HCN1: variants seen among roughly 807,000 people sequenced by gnomAD.
The protein encoded by HCN1 is potassium/sodium hyperpolarization-activated cyclic nucleotide-gated channel 1.
HCN1 carries 13 observed loss-of-function variants against 78.9 expected under a neutral mutation model. The observed-to-expected ratio is 0.16, with a 90% CI of 0.11 to 0.26. HCN1 has a LOEUF of 0.26. HCN1 is among the 10% of genes least tolerant of loss of function. The pLI is 1.00. For synonymous variants in HCN1, 552 were observed against 455.5 expected (o/e 1.21, Z -2.70); for missense variants, 810 against 1,154.3 (o/e 0.70, Z 4.32).
intron 5 of HCN1, among the ~76,000 whole-genome samples, chr5:45,329,297 C>A (rs1175255210): frequency 6.6e-6 from 1 of 151,518 alleles, no homozygotes; most frequent in Non-Finnish European, 1.5e-5. Flanking sequence ...AACCTCTGTT[C>A]TACTTTCTGT....
intron 2 of HCN1, among the ~76,000 whole-genome samples, chr5:45,639,026 A>T (rs1016522109): frequency 6.6e-6 from 1 of 152,232 alleles, no homozygotes; most frequent in African/African-American, 2.4e-5. Context: ...AATACTAATA[A>T]TTGTTTAGAG....
intron 2 of HCN1, among the ~76,000 whole-genome samples, chr5:45,589,624 C>A (rs1744319754): frequency 6.6e-6 from 1 of 152,094 alleles, no homozygotes; most frequent in African/African-American, 2.4e-5. Context: ...ATTTTAAACT[C>A]CAAAAGAGTA....
At chr5:45,432,509 T>G (rs1157033911) in intron 3 of HCN1, among the ~76,000 whole-genome samples, 3 of 152,132 alleles carry the variant, frequency 2.0e-5, no homozygotes, top group African/African-American at 7.2e-5. Context: ...GCTCTAGGAC[T>G]TCTAGTACTA....
At chr5:45,331,546 C>T (rs374655450) in intron 5 of HCN1, among the ~76,000 whole-genome samples, 53 of 151,306 alleles carry the variant, frequency 3.5e-4, no homozygotes, top group South Asian at 1.9e-3. Context: ...TTTTACTTCA[C>T]GTAATCAACA....
At chr5:45,297,792 T>A (rs1313098355) in intron 6 of HCN1, among the ~76,000 whole-genome samples, 2 of 152,062 alleles carry the variant, frequency 1.3e-5, no homozygotes, top group Non-Finnish European at 2.9e-5. Context: ...CAAGGCTGGT[T>A]CAACATTTAA....
At chr5:45,660,906 G>C (rs1406758891) in intron 1 of HCN1, among the ~76,000 whole-genome samples, 2 of 97,690 alleles carry the variant, frequency 2.0e-5, no homozygotes, top group Admixed American at 1.1e-4. Context: ...GAGACAGAAA[G>C]TCAACAAGGA....
intron 3 of HCN1, among the ~76,000 whole-genome samples, chr5:45,432,428 C>G (rs1034677607): frequency 3.3e-5 from 5 of 151,754 alleles, no homozygotes; most frequent in Admixed American, 2.6e-4. Context: ...TTCTTTCCTT[C>G]TCTAGTCTGA....
intron 2 of HCN1, among the ~76,000 whole-genome samples, chr5:45,551,816 C>T (rs1743376389): frequency 6.6e-6 from 1 of 151,854 alleles, no homozygotes; most frequent in Non-Finnish European, 1.5e-5. Flanking sequence ...AATTTTCCAT[C>T]AATTAACTAC....
chr5:45,352,946 A>C (rs1037651160), intron 5 of HCN1, among the ~76,000 whole-genome samples, 154 bp downstream of exon 5: 5 of 152,076 alleles, frequency 3.3e-5, no homozygotes, highest in Non-Finnish European at 7.4e-5. Context: ...AACATTTAAG[A>C]GCTTATGTAG....
rs144010728 is a variant in HCN1, at chr5:45,257,098, A to G, written c.*4823T>C. 1 of 152,306 alleles carries G rather than the reference A, an allele frequency of 6.6e-6. No individual in the cohort carries two copies. The highest frequency in any genetic ancestry group is 1.5e-5 in the Non-Finnish European group (1 of 68,022). 9.4% of individuals were successfully genotyped at this position (152,306 alleles called of 1,614,324 possible). ...CAGGGTGGGGTTGTAAATAGCCCCCAGTTTTTGCTGTGTCATAAATTATTT... is the reference window on the plus strand; with the variant it reads ...CAGGGTGGGGTTGTAAATAGCCCCCGGTTTTTGCTGTGTCATAAATTATTT... On this transcript the variant is annotated 3_prime_UTR_variant, in exon 8 of 8. Coordinates refer to ENST00000303230, the MANE Select transcript of HCN1 (RefSeq NM_021072.4).
intron 4 of HCN1, among the ~76,000 whole-genome samples, chr5:45,375,098 A>G (rs1488068187): frequency 9.1e-6 from 1 of 110,444 alleles, no homozygotes; most frequent in Non-Finnish European, 1.8e-5. Flanking sequence ...ATATAATATA[A>G]TATTTTATAA....
chr5:45,281,079 A>T (rs1263226142), intron 6 of HCN1, among the ~76,000 whole-genome samples: 1 of 152,042 alleles, frequency 6.6e-6, no homozygotes, highest in Non-Finnish European at 1.5e-5. Context: ...TCATGTGCAA[A>T]TTGTTTATGA....
intron 3 of HCN1, among the ~76,000 whole-genome samples, chr5:45,422,592 C>T (rs1249885442): frequency 6.6e-6 from 1 of 152,076 alleles, no homozygotes; most frequent in Non-Finnish European, 1.5e-5. Flanking sequence ...TGTCAACTTT[C>T]TAACACTATT....
At chr5:45,345,171 G>A (rs1326213441) in intron 5 of HCN1, among the ~76,000 whole-genome samples, 1 of 152,146 alleles carries the variant, frequency 6.6e-6, no homozygotes, top group Non-Finnish European at 1.5e-5. Flanking sequence ...CTGTACCTTG[G>A]CCCCTTTTAT....
intron 2 of HCN1, among the ~76,000 whole-genome samples, chr5:45,613,209 G>A (rs1364051817): frequency 7.5e-6 from 1 of 133,708 alleles, no homozygotes; most frequent in Non-Finnish European, 1.5e-5. Context: ...CTGTGTCCAT[G>A]TGATCTCATT....
intron 1 of HCN1, among the ~76,000 whole-genome samples, chr5:45,689,886 G>T (rs1739873902): frequency 6.6e-6 from 1 of 152,114 alleles, no homozygotes; most frequent in South Asian, 2.1e-4. Flanking sequence ...TCCTAAAACA[G>T]CCTGTAAATA....
intron 2 of HCN1, among the ~76,000 whole-genome samples, chr5:45,488,531 T>C (rs1741815461): frequency 1.3e-5 from 2 of 152,124 alleles, no homozygotes; most frequent in Admixed American, 1.3e-4. Context: ...GAATTCCATA[T>C]AATATTGCTT....
chr5:45,388,434 C>T (rs759388312), intron 4 of HCN1, among the ~76,000 whole-genome samples: 2 of 152,158 alleles, frequency 1.3e-5, no homozygotes, highest in Non-Finnish European at 2.9e-5. Context: ...ACAAACATGT[C>T]TCCTGCACAG....
intron 5 of HCN1, among the ~76,000 whole-genome samples, chr5:45,318,786 A>G (rs368922810): frequency 1.8e-4 from 27 of 151,942 alleles, no homozygotes; most frequent in African/African-American, 4.8e-4. Context: ...TTTAAAAAAT[A>G]TATATGCACC....
Sources: allele counts gnomAD v4.1 joint callset (sites outside exome capture counted in the v4.1 genomes callset), GRCh38; gene constraint gnomAD v4.1.1; transcripts MANE v1.5; gene names NCBI Gene and HGNC (gene_info 2026-07-23, HGNC 2026-07-21).